The following GDA variants were observed in gnomAD, a reference collection of about 807,000 sequenced individuals.
GDA encodes cytoplasmic PSD-95 interactor.
Under a neutral mutation model 59.6 loss-of-function variants are expected in GDA, and 18 were observed. The observed-to-expected ratio is 0.30, with a 90% CI of 0.21 to 0.45. The LOEUF is 0.45. GDA is among the 20% of genes least tolerant of loss of function. The pLI is 1.00. For missense variants in GDA, 427 were observed against 552.3 expected, an observed-to-expected ratio of 0.77 and a Z score of 2.27; for synonymous variants, 201 against 201.1, an observed-to-expected ratio of 1.00 and a Z score of 0.00.
chr9:72,249,901 G>C lies in GDA; in HGVS notation c.*1559G>C. 1.0e-6 allele frequency: 1 copy of C among 969,242 alleles called. No homozygotes were observed. The highest frequency in any genetic ancestry group is 1.2e-6 in the Non-Finnish European group (1 of 815,208). 60.0% of individuals were successfully genotyped at this position (969,242 alleles called of 1,614,324 possible). On this transcript the variant is annotated 3_prime_UTR_variant, in exon 14 of 14. Coordinates refer to ENST00000358399, the MANE Select transcript of GDA (RefSeq NM_004293.5). ...TTTCACATACTTAGCTAATTTAGCA[G>C]TAATTGGCCCAGTTTTTTCCCTAAT...
Position 72,219,470 on chromosome 9 carries a change from T to C in GDA, c.579-9T>C. On this transcript the variant is annotated splice_polypyrimidine_tract_variant and intron_variant, in intron 5 of 13. Coordinates refer to ENST00000358399, the MANE Select transcript of GDA (RefSeq NM_004293.5). The stretch of plus-strand genomic sequence containing the variant: ...CAAGTTTTCTAACCCATTTGTTGCT[T>C]TATTTCAGATTTGTGTCAGAAATGC... 6.3e-7 allele frequency: 1 copy of C among 1,580,816 alleles called. No individual in the cohort carries two copies. The highest frequency in any genetic ancestry group is 1.2e-5 in the South Asian group (1 of 86,648).
At chr9:72,230,501 A>AATATAT (rs58535811) in intron 9 of GDA, among the ~76,000 whole-genome samples, 1 of 144,024 alleles carries the variant, frequency 6.9e-6, no homozygotes, top group African/African-American at 2.6e-5. Flanking sequence ...AAAAAAAAAA[A>AATATAT]ATATATATAT....
intron 1 of GDA, among the ~76,000 whole-genome samples, chr9:72,151,737 A>G (rs1827231783): frequency 1.3e-5 from 2 of 151,566 alleles, no homozygotes; most frequent in Admixed American, 6.6e-5. Context: ...CCTCCCGAGT[A>G]GCTGGGACTA....
At chr9:72,121,313 C>T (rs866239732) in intron 1 of GDA, among the ~76,000 whole-genome samples, 31 of 152,032 alleles carry the variant, frequency 2.0e-4, no homozygotes, top group Admixed American at 7.9e-4. Flanking sequence ...AAGATTCTAT[C>T]TTGGCTGGGC....
chr9:72,221,010 G>A (rs1014484429), intron 6 of GDA, among the ~76,000 whole-genome samples: 3 of 152,152 alleles, frequency 2.0e-5, no homozygotes, highest in Non-Finnish European at 4.4e-5. Context: ...GGGCCTGATA[G>A]GAAATCATAA....
intron 3 of GDA, among the ~76,000 whole-genome samples, chr9:72,210,485 T>G (rs1203318925): frequency 6.6e-6 from 1 of 152,142 alleles, no homozygotes. Context: ...CGAGAAAAAA[T>G]CAGAAGTATC....
At chr9:72,203,254 C>T (rs1834239549) in intron 3 of GDA, among the ~76,000 whole-genome samples, 1 of 152,124 alleles carries the variant, frequency 6.6e-6, no homozygotes, top group African/African-American at 2.4e-5. Context: ...TATTTGTTTG[C>T]TTTAAAAATG....
At chr9:72,198,082 GA>G (rs1833420112) in intron 2 of GDA, among the ~76,000 whole-genome samples, 1 of 152,162 alleles carries the variant, frequency 6.6e-6, no homozygotes, top group Admixed American at 6.5e-5. Context: ...ATACTTTTAA[GA>G]CAATATTTTA....
At chr9:72,144,198 G>A (rs890467224) in intron 1 of GDA, among the ~76,000 whole-genome samples, 3 of 152,032 alleles carry the variant, frequency 2.0e-5, no homozygotes, top group African/African-American at 7.2e-5. Flanking sequence ...CTCCAGCCTG[G>A]GCAACAGAGT....
At chr9:72,209,911 A>G (rs913836942) in intron 3 of GDA, among the ~76,000 whole-genome samples, 1 of 152,224 alleles carries the variant, frequency 6.6e-6, no homozygotes, top group South Asian at 2.1e-4. Flanking sequence ...CCTTGAGGTC[A>G]GCCAGATTTT....
At chr9:72,196,247 G>A (rs570444183) in intron 2 of GDA, among the ~76,000 whole-genome samples, 12 of 151,920 alleles carry the variant, frequency 7.9e-5, no homozygotes, top group African/African-American at 2.9e-4. Flanking sequence ...TTGGGAGGCC[G>A]AGGCGGGTGG....
At chr9:72,115,358 G>A (rs1825401250) in intron 1 of GDA, among the ~76,000 whole-genome samples, 1 of 152,082 alleles carries the variant, frequency 6.6e-6, no homozygotes, top group Non-Finnish European at 1.5e-5. Flanking sequence ...TATGAACCTG[G>A]ACTAAAAGGG....
chr9:72,209,871 C>T (rs72727239), intron 3 of GDA, among the ~76,000 whole-genome samples: 13,439 of 152,138 alleles, frequency 0.088, 684 homozygotes, highest in Middle Eastern at 0.13. Context: ...GAGTAGTACA[C>T]GTGGTATTCT....
rs914861052 is a variant in GDA at position 72,202,780 on chromosome 9, T to C, written c.384+38T>C. 2.7e-6 allele frequency: 4 copies of C among 1,479,200 alleles called. No individual in the cohort carries two copies. The African/African-American group carries it at 5.5e-5, about 20-fold the overall frequency. 91.6% of individuals were successfully genotyped at this position (1,479,200 alleles called of 1,614,324 possible). A position where few individuals can be genotyped will look rare whatever the true frequency, so the allele number is the denominator to read the frequency against. On this transcript the variant is annotated intron_variant, in intron 3 of 13. Transcript: ENST00000358399. ...TGTGTGAGTGTGGTATTCTGTTTGGTCATCTATAGAAATATCAGTTTCCTA... is the reference window on the plus strand; with the variant it reads ...TGTGTGAGTGTGGTATTCTGTTTGGCCATCTATAGAAATATCAGTTTCCTA...
In GDA at chr9:72,210,747, T is replaced by C; in HGVS notation, c.445T>C (p.Ser149Pro). Residue 149 changes from serine to proline, a missense_variant, in exon 4 of 14, where the codon TCA becomes CCA. Ser to Pro is a moderately conservative substitution (Grantham distance 74). Transcript: ENST00000358399. ...ACYFATIHTD[S>P]SLLLADITDK... ...TTACTTTGCAACAATTCACACTGAC[T>C]CATCTCTGCTCCTTGCCGACATTAC... 6.2e-7 allele frequency: 1 copy of C among 1,610,090 alleles called. No individual in the cohort carries two copies. Among genetic ancestry groups the C allele is most frequent in the Non-Finnish European group, 8.5e-7 (1 of 1,176,350 alleles).
downstream of GDA, among the ~76,000 whole-genome samples, chr9:72,259,026 C>T (rs1184339726): frequency 2.1e-5 from 3 of 140,036 alleles, no homozygotes; most frequent in South Asian, 2.3e-4. Flanking sequence ...AATAATAACT[C>T]TTTTTTTTTT....
Position 72,149,696 on chromosome 9 carries a change from G to A in GDA, c.123+14G>A, listed in dbSNP as rs1293929542. On this transcript the variant is annotated intron_variant, in intron 1 of 13. Transcript: ENST00000358399. Reference sequence around the variant, plus strand: ...GACAGCGGCAAAGTAAGCAGGCGCGGGGTCGAGCGCACTCCGACGGGCGGG... The same window carrying A: ...GACAGCGGCAAAGTAAGCAGGCGCGAGGTCGAGCGCACTCCGACGGGCGGG... The A allele has an allele frequency of 1.3e-6, 2 of 1,593,054 alleles. No homozygotes were observed. Among genetic ancestry groups the A allele is most frequent in the South Asian group, 1.1e-5 (1 of 89,248 alleles).
rs183701978 is a variant in GDA, at chr9:72,174,583, T to C, written c.124-20917T>C. On this transcript the variant is annotated intron_variant, in intron 1 of 13. Transcript: ENST00000358399. Reference sequence around the variant, plus strand: ...CATATTTTGATAAAAGAGAAGTGCCTGGTGCTATGAGGATCGTTAATTGGG... The same window carrying C: ...CATATTTTGATAAAAGAGAAGTGCCCGGTGCTATGAGGATCGTTAATTGGG... Among the ~76,000 whole-genome samples, 3 of 152,254 alleles carry C rather than the reference T, an allele frequency of 2.0e-5. No homozygotes were observed. In the East Asian group the frequency reaches 5.8e-4, roughly 29 times the overall value.
intron 3 of GDA, among the ~76,000 whole-genome samples, chr9:72,204,455 G>A (rs955434544): frequency 6.6e-6 from 1 of 152,134 alleles, no homozygotes; most frequent in African/African-American, 2.4e-5. Context: ...CTACTGTGGG[G>A]GTCCATGCAT....
Sources: gnomAD v4.1 joint callset for allele counts (sites outside exome capture counted in the v4.1 genomes callset) on GRCh38, gnomAD v4.1.1 for gene constraint, MANE v1.5 for transcripts, NCBI Gene and HGNC (gene_info 2026-07-23, HGNC 2026-07-21) for gene names.